The following PPA1 variants were observed in gnomAD, a reference collection of about 807,000 sequenced individuals.
The protein encoded by PPA1 is inorganic pyrophosphatase.
PPA1 carries 23 observed loss-of-function variants against 41.8 expected under a neutral mutation model. The ratio of observed to expected loss-of-function variants is 0.55; its 90% CI spans 0.40 to 0.78. The LOEUF (loss-of-function observed/expected upper bound fraction) is 0.78. PPA1 is among the 30% of genes least tolerant of loss of function. The pLI is 0.00. For synonymous variants in PPA1, 101 were observed against 116.8 expected, an observed-to-expected ratio of 0.86 and a Z score of 0.87; for missense variants, 320 against 361.6, an observed-to-expected ratio of 0.89 and a Z score of 0.93.
chr10:70,217,038 C>T (rs2136759351), intron 4 of PPA1, among the ~76,000 whole-genome samples: 1 of 152,186 alleles, frequency 6.6e-6, no homozygotes, highest in East Asian at 1.9e-4. Flanking sequence ...CACCTGTAGT[C>T]CCAGCTACTT....
At chr10:70,223,512 G>A (rs1018907659) in intron 2 of PPA1, among the ~76,000 whole-genome samples, 1 of 152,012 alleles carries the variant, frequency 6.6e-6, no homozygotes, top group African/African-American at 2.4e-5. Flanking sequence ...AAGCCATCCT[G>A]CCCAGCTCTG....
intron 2 of PPA1, 99 bp downstream of exon 2, chr10:70,230,242 G>A (rs1489316440): frequency 1.5e-6 from 2 of 1,372,164 alleles, no homozygotes; most frequent in Non-Finnish European, 2.0e-6. Flanking sequence ...AGCACAACGA[G>A]GCATTTTAAG....
chr10:70,220,006 C>A (rs1840119320), intron 2 of PPA1, among the ~76,000 whole-genome samples: 1 of 150,832 alleles, frequency 6.6e-6, no homozygotes, highest in Non-Finnish European at 1.5e-5. Context: ...TGGCTCACTG[C>A]AACCTCTGCC....
intron 2 of PPA1, among the ~76,000 whole-genome samples, chr10:70,227,973 C>A (rs1840250847): frequency 6.6e-6 from 1 of 152,038 alleles, no homozygotes; most frequent in Admixed American, 6.6e-5. Flanking sequence ...AGGCTATAAT[C>A]CAAAATGATG....
At chr10:70,219,483 A>G (rs1840111744) in intron 2 of PPA1, among the ~76,000 whole-genome samples, 2 of 152,182 alleles carry the variant, frequency 1.3e-5, no homozygotes, top group African/African-American at 4.8e-5. Context: ...ACTTTAGTTT[A>G]TAAGACGAAC....
chr10:70,222,056 C>G (rs115766799), intron 2 of PPA1, among the ~76,000 whole-genome samples: 1 of 151,738 alleles, frequency 6.6e-6, no homozygotes, highest in South Asian at 2.1e-4. Context: ...TGGGTGAGGC[C>G]GGGGGGTGGT....
chr10:70,214,919 G>A (rs1668034503), intron 4 of PPA1, among the ~76,000 whole-genome samples: 1 of 152,228 alleles, frequency 6.6e-6, no homozygotes, highest in South Asian at 2.1e-4. Flanking sequence ...TTTAGGCTGG[G>A]TATGATGGCT....
intron 2 of PPA1, among the ~76,000 whole-genome samples, chr10:70,226,718 T>G (rs781459693): frequency 6.6e-6 from 1 of 152,218 alleles, no homozygotes; most frequent in Non-Finnish European, 1.5e-5. Flanking sequence ...GTTGTCAAAC[T>G]TTTCTGTTTT....
intron 1 of PPA1, among the ~76,000 whole-genome samples, chr10:70,230,948 G>A (rs1840284402): frequency 6.6e-6 from 1 of 152,138 alleles, no homozygotes; most frequent in Non-Finnish European, 1.5e-5. Flanking sequence ...GGACACAAAA[G>A]GCGATTAAAT....
intron 10 of PPA1, chr10:70,204,123 G>C (rs952987429): frequency 6.6e-6 from 1 of 152,400 alleles, no homozygotes; most frequent in Non-Finnish European, 1.5e-5. Flanking sequence ...TGGATCGCCA[G>C]CCTGGGTGAC....
At chr10:70,213,194 T>A (rs974396279) in intron 6 of PPA1, among the ~76,000 whole-genome samples, 2 of 152,088 alleles carry the variant, frequency 1.3e-5, no homozygotes, top group African/African-American at 4.8e-5. Flanking sequence ...TTAAAATAAA[T>A]AAACATACCA....
At chr10:70,210,090 T>C (rs891726673) in intron 6 of PPA1, 6 of 305,490 alleles carry the variant, frequency 2.0e-5, no homozygotes, top group Non-Finnish European at 3.8e-5. Context: ...TTATCTTTTT[T>C]TTTTTTTCAG....
In PPA1 at chr10:70,217,943, A is replaced by C; in HGVS notation, c.178-12T>G. The stretch of plus-strand genomic sequence containing the variant: ...TCCTTTGTAGCAATCTGAAATAAGA[A>C]AATTTCAAATCTTTGCATATTTGGA... On this transcript the variant is annotated splice_polypyrimidine_tract_variant and intron_variant, in intron 3 of 10. Coordinates refer to ENST00000373232, the MANE Select transcript of PPA1 (RefSeq NM_021129.4). 1 of 1,530,886 alleles carries C rather than the reference A, an allele frequency of 6.5e-7. No individual in the cohort carries two copies. The highest frequency in any genetic ancestry group is 8.9e-7 in the Non-Finnish European group (1 of 1,129,722). The allele number at this position is 1,530,886 out of a possible 1,614,324, so 94.8% of individuals were successfully genotyped here.
intron 2 of PPA1, among the ~76,000 whole-genome samples, chr10:70,225,883 C>T (rs1422771747): frequency 6.6e-6 from 1 of 152,134 alleles, no homozygotes; most frequent in Non-Finnish European, 1.5e-5. Flanking sequence ...GAAGGATATA[C>T]TCTAAGTTGT....
chr10:70,206,119 T>C (rs1839936445), intron 9 of PPA1, 145 bp downstream of exon 9: 2 of 644,530 alleles, frequency 3.1e-6, no homozygotes, highest in Non-Finnish European at 2.8e-6. Flanking sequence ...CATGTGTTCA[T>C]GGTTTCTAAT....
intron 9 of PPA1, chr10:70,205,769 G>C (rs1839932985): frequency 1.3e-5 from 2 of 151,854 alleles, no homozygotes; most frequent in African/African-American, 2.4e-5. Flanking sequence ...CAATTTTTTG[G>C]TTAATCCAAA....
intron 6 of PPA1, chr10:70,210,553 C>T: frequency 1.4e-6 from 1 of 726,460 alleles, no homozygotes; most frequent in Non-Finnish European, 1.9e-6. Flanking sequence ...AAGTGCACTG[C>T]TTTAAAAATT....
intron 8 of PPA1, among the ~76,000 whole-genome samples, chr10:70,207,140 T>C (rs934579876): frequency 6.6e-6 from 1 of 152,100 alleles, no homozygotes; most frequent in Non-Finnish European, 1.5e-5. Context: ...TCATAGGTCT[T>C]GATAGAGAAA....
At chr10:70,227,494 T>C (rs1359282269) in intron 2 of PPA1, among the ~76,000 whole-genome samples, 1 of 150,640 alleles carries the variant, frequency 6.6e-6, no homozygotes, top group Admixed American at 6.6e-5. Flanking sequence ...TACAAAAAAA[T>C]AGAAAAATTA....
Sources: gnomAD v4.1 joint callset for allele counts (sites outside exome capture counted in the v4.1 genomes callset) on GRCh38, gnomAD v4.1.1 for gene constraint, MANE v1.5 for transcripts, NCBI Gene and HGNC (gene_info 2026-07-23, HGNC 2026-07-21) for gene names.